The following FTCDNL1 variants were observed in gnomAD, a reference collection of about 807,000 sequenced individuals.
FTCDNL1 encodes the protein formiminotransferase N-terminal subdomain-containing protein.
FTCDNL1 carries 11 observed loss-of-function variants against 5.9 expected under a neutral mutation model. That is an observed-to-expected ratio of 1.87 (90% CI 1.18 to 3.10). The LOEUF is 3.10. FTCDNL1 is among the 30% of genes most tolerant of loss of function. The pLI is 0.00. For synonymous variants in FTCDNL1, 58 were observed against 24.8 expected (o/e 2.34, Z -3.99); for missense variants, 115 against 65.5 (o/e 1.76, Z -2.61).
chr2:199,843,782 T>G (rs1574693689), intron 3 of FTCDNL1, among the ~76,000 whole-genome samples: 1 of 152,292 alleles, frequency 6.6e-6, no homozygotes, highest in East Asian at 1.9e-4. Flanking sequence ...GTGGTACAGT[T>G]AGACAGTCCA....
the FTCDNL1 span, among the ~76,000 whole-genome samples, chr2:199,670,205 G>C: frequency 6.6e-6 from 1 of 152,174 alleles, no homozygotes; most frequent in Non-Finnish European, 1.5e-5. Context: ...AGAACTTTCT[G>C]TTTCTGGCTT....
chr2:199,714,924 C>A, the FTCDNL1 span, among the ~76,000 whole-genome samples: 931 of 143,754 alleles, frequency 6.5e-3, 12 homozygotes, highest in African/African-American at 0.023. Context: ...AGGGGAACAT[C>A]ACACACCGGG....
chr2:199,687,846 ATG>A, the FTCDNL1 span, among the ~76,000 whole-genome samples: 1 of 152,140 alleles, frequency 6.6e-6, no homozygotes, highest in Non-Finnish European at 1.5e-5. Context: ...TTTGTAATAT[ATG>A]TGTTTTTATC....
downstream of FTCDNL1, among the ~76,000 whole-genome samples, chr2:199,759,925 G>T (rs1252045323): frequency 1.3e-5 from 2 of 152,202 alleles, no homozygotes; most frequent in Non-Finnish European, 1.5e-5. Flanking sequence ...TCATGCATGT[G>T]GACAGCTCGT....
chr2:199,846,139 A>G lies in FTCDNL1; in HGVS notation c.147T>C (p.Asn49=). The change falls in exon 3 of 5, where the codon AAT becomes AAC. Residue 49 remains asparagine (N), a synonymous_variant. Transcript: ENST00000420128. The part of the protein sequence containing the change: ...GKKHPQVSVL[N]IFSDQDYKRS... ...TCTTGTAGTCTTGATCGGAAAATAT[A>G]TTGAGCACTGAAACTTGAGGATGTT... The G allele has an allele frequency of 1.4e-6, 1 of 699,592 alleles. No individual in the cohort carries two copies. The highest frequency in any genetic ancestry group is 2.6e-6 in the Non-Finnish European group (1 of 383,772). 43.3% of individuals were successfully genotyped at this position (699,592 alleles called of 1,614,324 possible). A position where few individuals can be genotyped will look rare whatever the true frequency, so the allele number is the denominator to read the frequency against.
the FTCDNL1 span, among the ~76,000 whole-genome samples, chr2:199,749,267 T>C: frequency 6.6e-6 from 1 of 152,172 alleles, no homozygotes; most frequent in Admixed American, 6.5e-5. Context: ...AGACAGCAGA[T>C]GCTTAATGGT....
At chr2:199,780,272 A>G (rs1006673710) in intron 3 of FTCDNL1, among the ~76,000 whole-genome samples, 2 of 152,096 alleles carry the variant, frequency 1.3e-5, no homozygotes, top group African/African-American at 4.8e-5. Context: ...CCACCATTAG[A>G]TGCTGCCTTC....
chr2:199,786,967 CT>C (rs1419092306), intron 3 of FTCDNL1, among the ~76,000 whole-genome samples: 2 of 152,108 alleles, frequency 1.3e-5, no homozygotes, highest in African/African-American at 2.4e-5. Flanking sequence ...CCTTTTTCAG[CT>C]TTTAGAGGCT....
At chr2:199,824,209 T>C (rs1378839613) in intron 3 of FTCDNL1, among the ~76,000 whole-genome samples, 5 of 152,246 alleles carry the variant, frequency 3.3e-5, no homozygotes, top group African/African-American at 1.2e-4. Context: ...TGCACTTTTA[T>C]GTTATGGAGG....
At chr2:199,689,824 A>C in the FTCDNL1 span, among the ~76,000 whole-genome samples, 2 of 151,632 alleles carry the variant, frequency 1.3e-5, no homozygotes, top group Non-Finnish European at 2.9e-5. Context: ...AAAAAAAAAA[A>C]AAAAAGAATA....
intron 3 of FTCDNL1, among the ~76,000 whole-genome samples, chr2:199,764,864 T>C (rs1450756041): frequency 6.6e-6 from 1 of 152,118 alleles, no homozygotes; most frequent in East Asian, 1.9e-4. Context: ...CTGCACCCGC[T>C]TCCCTACTCC....
At chr2:199,783,026 T>C (rs955406546) in intron 3 of FTCDNL1, among the ~76,000 whole-genome samples, 1 of 152,252 alleles carries the variant, frequency 6.6e-6, no homozygotes, top group Non-Finnish European at 1.5e-5. Flanking sequence ...TACAGATTTC[T>C]GTAGGTTTGG....
chr2:199,849,685 T>G lies in FTCDNL1; in HGVS notation c.-7-716A>C, dbSNP rs1460726338. Among the ~76,000 whole-genome samples, 5 of 152,350 alleles carry G rather than the reference T, an allele frequency of 3.3e-5. No individual in the cohort carries two copies. In the East Asian group the frequency reaches 9.6e-4, roughly 29 times the overall value. ...CAGGTTTTGGAGGTTGCTTTGATAC[T>G]TTTTAGTACTCTAGAATAGCATTTT... On this transcript the variant is annotated intron_variant, in intron 1 of 4. Coordinates refer to ENST00000420128, the MANE Select transcript of FTCDNL1 (RefSeq NM_001363886.2).
chr2:199,683,938 T>A, the FTCDNL1 span, among the ~76,000 whole-genome samples: 1 of 152,344 alleles, frequency 6.6e-6, no homozygotes, highest in Admixed American at 6.5e-5. Flanking sequence ...TAATCGGCTG[T>A]CTGTTCTCTC....
the FTCDNL1 span, among the ~76,000 whole-genome samples, chr2:199,685,833 G>T: frequency 6.6e-6 from 1 of 152,042 alleles, no homozygotes; most frequent in Non-Finnish European, 1.5e-5. Context: ...TCAGAGAAAG[G>T]AGATCTACTA....
the FTCDNL1 span, among the ~76,000 whole-genome samples, chr2:199,684,438 T>C: frequency 1.3e-5 from 2 of 152,214 alleles, no homozygotes; most frequent in African/African-American, 4.8e-5. Flanking sequence ...ATTGCTAATT[T>C]ACCCCCAAGT....
chr2:199,766,943 G>C (rs546879550), intron 3 of FTCDNL1, among the ~76,000 whole-genome samples: 21 of 152,100 alleles, frequency 1.4e-4, no homozygotes, highest in African/African-American at 4.6e-4. Flanking sequence ...CAATATTTCT[G>C]GTTATTGAGG....
the FTCDNL1 span, among the ~76,000 whole-genome samples, chr2:199,706,903 C>T: frequency 6.6e-6 from 1 of 152,194 alleles, no homozygotes; most frequent in African/African-American, 2.4e-5. Flanking sequence ...TGGGACATCC[C>T]CCGTAGGGCT....
At chr2:199,699,080 C>T in the FTCDNL1 span, among the ~76,000 whole-genome samples, 2 of 152,118 alleles carry the variant, frequency 1.3e-5, no homozygotes, top group East Asian at 1.9e-4. Context: ...GAAATTGAAA[C>T]TCTGAACAAA....
Sources: gnomAD v4.1 joint callset for allele counts (sites outside exome capture counted in the v4.1 genomes callset) on GRCh38, gnomAD v4.1.1 for gene constraint, MANE v1.5 for transcripts, NCBI Gene and HGNC (gene_info 2026-07-23, HGNC 2026-07-21) for gene names.